The following STARD13 variants were observed in gnomAD, a reference collection of about 807,000 sequenced individuals.
STARD13 encodes the protein StAR related lipid transfer domain containing 13, also known as stAR-related lipid transfer protein 13.
In STARD13, 62 loss-of-function variants were observed where a neutral mutation model predicts 106.4. The ratio of observed to expected loss-of-function variants is 0.58; its 90% CI spans 0.48 to 0.72. The LOEUF is 0.72. Among genes scored for constraint, STARD13 ranks in the 30% least tolerant of loss-of-function variants. STARD13 has a pLI of 0.00. For missense variants in STARD13, 1,387 were observed against 1,424.0 expected (o/e 0.97, Z 0.42); for synonymous variants, 565 against 553.0 (o/e 1.02, Z -0.31).
chr13:33,612,852 G>A, the STARD13 span, among the ~76,000 whole-genome samples: 9 of 152,192 alleles, frequency 5.9e-5, no homozygotes, highest in Non-Finnish European at 8.8e-5. Flanking sequence ...TAACTTCACA[G>A]ATGTTCTGTC....
chr13:33,271,570 T>C (rs2138359878), intron 1 of STARD13: 1 of 152,274 alleles, frequency 6.6e-6, no homozygotes, highest in East Asian at 1.9e-4. Context: ...AGGTAGGAAC[T>C]TAGGAACCTC....
the STARD13 span, among the ~76,000 whole-genome samples, chr13:33,617,447 G>A: frequency 1.4e-4 from 21 of 152,114 alleles, no homozygotes; most frequent in Non-Finnish European, 1.3e-4. Context: ...TTATATTCAG[G>A]AAACATTACA....
chr13:33,105,740 G>C, intron 13 of STARD13, 30 bp from the exon 14 acceptor site: 1 of 1,575,252 alleles, frequency 6.3e-7, no homozygotes, highest in Non-Finnish European at 8.7e-7. Flanking sequence ...AAAGGAAGTG[G>C]GAAAGTTTGT....
intron 4 of STARD13, among the ~76,000 whole-genome samples, 176 bp downstream of exon 4, chr13:33,142,134 T>C (rs1271937742): frequency 6.6e-6 from 1 of 152,146 alleles, no homozygotes; most frequent in Non-Finnish European, 1.5e-5. Flanking sequence ...GTTCAAGCAA[T>C]GCCCCCAACT....
the STARD13 span, among the ~76,000 whole-genome samples, chr13:33,515,751 T>A: frequency 6.6e-6 from 1 of 152,096 alleles, no homozygotes; most frequent in Non-Finnish European, 1.5e-5. Context: ...ATAAAACTAA[T>A]TATTGAGCAG....
At chr13:33,576,371 T>G in the STARD13 span, among the ~76,000 whole-genome samples, 2 of 151,974 alleles carry the variant, frequency 1.3e-5, no homozygotes, top group Non-Finnish European at 2.9e-5. Context: ...TACAGGAGTG[T>G]GCCACCATGC....
chr13:33,451,642 C>T, the STARD13 span, among the ~76,000 whole-genome samples: 3 of 151,966 alleles, frequency 2.0e-5, no homozygotes, highest in African/African-American at 4.8e-5. Context: ...ATAGAGAAGC[C>T]GGAGCTCAGG....
At chr13:33,212,302 A>T (rs1228304684) in intron 1 of STARD13, among the ~76,000 whole-genome samples, 7 of 152,238 alleles carry the variant, frequency 4.6e-5, no homozygotes, top group Admixed American at 4.6e-4. Flanking sequence ...GTAGAATTTA[A>T]GTGTCTTACT....
At chr13:33,438,618 T>C in the STARD13 span, among the ~76,000 whole-genome samples, 3 of 152,184 alleles carry the variant, frequency 2.0e-5, no homozygotes, top group Non-Finnish European at 4.4e-5. Context: ...GCACACTCAC[T>C]AAAGACATTT....
At chr13:33,370,979 G>A in the STARD13 span, among the ~76,000 whole-genome samples, 1 of 151,934 alleles carries the variant, frequency 6.6e-6, no homozygotes, top group Non-Finnish European at 1.5e-5. Flanking sequence ...AGTTAGTTTC[G>A]TCTAAAAATC....
chr13:33,552,645 C>A, the STARD13 span, among the ~76,000 whole-genome samples: 1,137 of 152,204 alleles, frequency 7.5e-3, 11 homozygotes, highest in Middle Eastern at 0.024. Flanking sequence ...GAAGCACATT[C>A]ACTATAGCAA....
At chr13:33,132,564 A>G (rs1195458821) in intron 4 of STARD13, among the ~76,000 whole-genome samples, 1 of 152,264 alleles carries the variant, frequency 6.6e-6, no homozygotes, top group African/African-American at 2.4e-5. Context: ...AGCAGCGTGA[A>G]AAATGGACTA....
At chr13:33,453,090 C>T in the STARD13 span, among the ~76,000 whole-genome samples, 1 of 152,200 alleles carries the variant, frequency 6.6e-6, no homozygotes, top group Non-Finnish European at 1.5e-5. Flanking sequence ...TTGAGTATTT[C>T]ATAGGCATAT....
intron 4 of STARD13, among the ~76,000 whole-genome samples, chr13:33,141,670 GT>G (rs1283829457): frequency 6.6e-6 from 1 of 152,126 alleles, no homozygotes; most frequent in East Asian, 1.9e-4. Context: ...CTGCCTGATA[GT>G]GGGGGCATCT....
At chr13:33,143,351 T>C (rs1880096710) in intron 3 of STARD13, among the ~76,000 whole-genome samples, 3 of 152,166 alleles carry the variant, frequency 2.0e-5, no homozygotes, top group Non-Finnish European at 4.4e-5. Flanking sequence ...TTGCTTCTTC[T>C]TGGTCATTGT....
the STARD13 span, among the ~76,000 whole-genome samples, chr13:33,582,242 A>T: frequency 2.0e-5 from 3 of 151,064 alleles, no homozygotes; most frequent in African/African-American, 4.9e-5. Flanking sequence ...GAAAAAAAAG[A>T]TGAAAAAGGC....
the STARD13 span, among the ~76,000 whole-genome samples, chr13:33,390,773 C>A: frequency 1.3e-5 from 2 of 152,112 alleles, no homozygotes; most frequent in Non-Finnish European, 2.9e-5. Flanking sequence ...AAAACCCTAT[C>A]CGTCATTAAG....
At chr13:33,462,936 A>G in the STARD13 span, among the ~76,000 whole-genome samples, 1 of 152,198 alleles carries the variant, frequency 6.6e-6, no homozygotes, top group Non-Finnish European at 1.5e-5. Flanking sequence ...GGATCACTCA[A>G]TATCAACCGC....
At chr13:33,290,637 T>C (rs1373999456), upstream of STARD13, among the ~76,000 whole-genome samples, 1 of 152,252 alleles carries the variant, frequency 6.6e-6, no homozygotes, top group African/African-American at 2.4e-5. Context: ...CTTTACTTTG[T>C]CTCTCAGCCC....
Sources: gnomAD v4.1 joint callset for allele counts (sites outside exome capture counted in the v4.1 genomes callset) on GRCh38, gnomAD v4.1.1 for gene constraint, MANE v1.5 for transcripts, NCBI Gene and HGNC (gene_info 2026-07-23, HGNC 2026-07-21) for gene names.